Variants in PITPNM3 observed in about 807,000 individuals in gnomAD.
PITPNM3 encodes PITPNM family member 3.
PITPNM3 carries 26 observed loss-of-function variants against 102.0 expected under a neutral mutation model. The ratio of observed to expected loss-of-function variants is 0.25; its 90% CI spans 0.19 to 0.35. The LOEUF is 0.35. PITPNM3 is among the 10% of genes least tolerant of loss of function. PITPNM3 has a pLI of 1.00. For missense variants in PITPNM3, 1,083 were observed against 1,346.1 expected (o/e 0.80, Z 3.06); for synonymous variants, 578 against 558.6 (o/e 1.03, Z -0.49).
At chr17:6,532,956 T>G (rs1185026393) in intron 2 of PITPNM3, among the ~76,000 whole-genome samples, 1 of 152,076 alleles carries the variant, frequency 6.6e-6, no homozygotes, top group Non-Finnish European at 1.5e-5. Context: ...CTCCACATCT[T>G]GGTAAGTTAT....
intron 3 of PITPNM3, among the ~76,000 whole-genome samples, chr17:6,511,775 A>G (rs1036167618): frequency 1.3e-5 from 2 of 152,122 alleles, no homozygotes; most frequent in Non-Finnish European, 2.9e-5. Context: ...TGAGGTCAGG[A>G]GTTTGAGACC....
chr17:6,541,942 C>A (rs1909750957), intron 1 of PITPNM3, among the ~76,000 whole-genome samples: 1 of 152,212 alleles, frequency 6.6e-6, no homozygotes, highest in Non-Finnish European at 1.5e-5. Context: ...TCATCCTAAC[C>A]AAGCCTAGCA....
intron 4 of PITPNM3, among the ~76,000 whole-genome samples, chr17:6,498,376 A>AG (rs1906965883): frequency 6.6e-6 from 1 of 152,232 alleles, no homozygotes; most frequent in Non-Finnish European, 1.5e-5. Context: ...TGACAGGAAG[A>AG]GGGGAAAGTG....
In PITPNM3 at chr17:6,455,085, CTT is replaced by C. The variant is rs772178083; in HGVS notation, c.*251_*252del. On this transcript the variant is annotated 3_prime_UTR_variant, in exon 20 of 20. Coordinates refer to ENST00000262483, the MANE Select transcript of PITPNM3 (RefSeq NM_031220.4). ...AGGATGACACAAACATGAACCCTGA[CTT>C]GGGCTTGCGGTCGCAGGCCCGTGGG... The C allele has an allele frequency of 3.5e-4, 191 of 541,866 alleles. No homozygotes were observed. The highest frequency in any genetic ancestry group is 5.5e-4 in the Non-Finnish European group (172 of 314,172). 33.6% of individuals were successfully genotyped at this position (541,866 alleles called of 1,614,324 possible).
chr17:6,478,067 G>T lies in PITPNM3; in HGVS notation c.808C>A (p.Leu270Ile). 6.2e-7 allele frequency: 1 copy of T among 1,613,698 alleles called. No individual in the cohort carries two copies. The highest frequency in any genetic ancestry group is 2.2e-5 in the East Asian group (1 of 44,884). Residue 270 changes from leucine (L) to isoleucine (I), a missense_variant, in exon 8 of 20, where the codon CTC (leucine) becomes ATC (isoleucine). Leu to Ile is a conservative substitution (Grantham distance 5). Transcript: ENST00000262483. This position sits in a 1 kb window ranked among gnomAD's most constrained non-coding sequence, Gnocchi z 4.4. ...VCLIGDCVGG[L>I]LAFDAICYSA... is the part of the protein sequence containing the mutation. ...TAGCAGATGGCATCGAAGGCCAGGA[G>T]GCCCCCCACACAGTCCCCGATGAGA...
In PITPNM3 at chr17:6,455,074, A is replaced by G. The variant is rs1033012986; in HGVS notation, c.*264T>C. ...AGCCTGCCCCCAGGATGACACAAACATGAACCCTGACTTGGGCTTGCGGTC... is the reference window on the plus strand; with the variant it reads ...AGCCTGCCCCCAGGATGACACAAACGTGAACCCTGACTTGGGCTTGCGGTC... On this transcript the variant is annotated 3_prime_UTR_variant, in exon 20 of 20. Transcript: ENST00000262483. 11 of 523,090 alleles carry G rather than the reference A, an allele frequency of 2.1e-5. No homozygotes were observed. Among genetic ancestry groups the G allele is most frequent in the Admixed American group, 3.7e-5 (1 of 26,920 alleles). 32.4% of individuals were successfully genotyped at this position (523,090 alleles called of 1,614,324 possible).
At position 6,474,485 on chromosome 17, in the gene PITPNM3, G is replaced by A; in HGVS notation, c.1205C>T (p.Ser402Leu). The A allele has an allele frequency of 1.2e-6, 2 of 1,613,516 alleles. No individual in the cohort carries two copies. The highest frequency in any genetic ancestry group is 2.2e-5 in the East Asian group (1 of 44,876). ...FDVSDFFLFGSPLGLVLAMRR... is the reference protein window; with the variant it reads ...FDVSDFFLFGLPLGLVLAMRR... ...CATGGCCAGGACCAGGCCCAGTGGCGAGCCGAAGAGGAAGAAGTCGGACAC... is the reference window on the plus strand; with the variant it reads ...CATGGCCAGGACCAGGCCCAGTGGCAAGCCGAAGAGGAAGAAGTCGGACAC... The change falls in exon 10 of 20, where the codon TCG (serine) becomes TTG (leucine). Residue 402 changes from serine to leucine, a missense_variant. Physicochemically the swap from Ser to Leu is moderately radical, Grantham distance 145. Around this residue, in one of 5 missense-constraint regions of PITPNM3, gnomAD observed 410 missense variants for 638.4 expected, o/e 0.64. Transcript: ENST00000262483.
rs559903739 is a variant in PITPNM3, at chr17:6,527,010, G to C, written c.119-1547C>G. The stretch of plus-strand genomic sequence containing the variant: ...GAACTGGTTTATTCTGTGCTGGGCA[G>C]GGCCCTGACCAGGTTCCAGTGCAGA... On this transcript the variant is annotated intron_variant, in intron 2 of 19. Transcript: ENST00000262483. Among the ~76,000 whole-genome samples the C allele has an allele frequency of 7.4e-4, 112 of 152,312 alleles. 1 individual carries two copies. The highest frequency in any genetic ancestry group is 2.4e-3 in the African/African-American group (99 of 41,566).
chr17:6,508,382 C>T (rs892033524), intron 3 of PITPNM3, among the ~76,000 whole-genome samples: 29 of 152,316 alleles, frequency 1.9e-4, no homozygotes, highest in Admixed American at 1.7e-3. Flanking sequence ...TGAGCCTCAG[C>T]GAGGTAAAGT....
chr17:6,474,713 T>C, intron 9 of PITPNM3, 109 bp from the exon 10 acceptor site: 1 of 1,329,550 alleles, frequency 7.5e-7, no homozygotes, highest in Non-Finnish European at 1.0e-6. Context: ...TGCCCAACCC[T>C]CCATCTCTGG....
chr17:6,541,554 G>A lies in PITPNM3; in HGVS notation c.23-3472C>T, dbSNP rs1229615596. 2.6e-5 allele frequency among the ~76,000 whole-genome samples: 4 copies of A among 152,222 alleles called. No individual in the cohort carries two copies. In the East Asian group the frequency reaches 7.7e-4, roughly 29 times the overall value. On this transcript the variant is annotated intron_variant, in intron 1 of 19. Transcript: ENST00000262483. ...ATGGACGGAAGCTTGGAACAGGTGA[G>A]TTTTAAGGCTCCTCCCACTGCCAAG... is the stretch of plus-strand genomic sequence containing the variant.
intron 1 of PITPNM3, among the ~76,000 whole-genome samples, chr17:6,543,098 G>T (rs562983246): frequency 1.5e-4 from 23 of 152,172 alleles, no homozygotes; most frequent in Admixed American, 3.9e-4. Context: ...TAGCAATTTA[G>T]AGAGAAACAA....
At chr17:6,543,352 A>T (rs752636025) in intron 1 of PITPNM3, among the ~76,000 whole-genome samples, 38 of 152,218 alleles carry the variant, frequency 2.5e-4, no homozygotes, top group Non-Finnish European at 5.9e-5. Context: ...CTAGGTGGAC[A>T]GAGAGACAGA....
At position 6,468,296 on chromosome 17, in the gene PITPNM3, C is replaced by A; in HGVS notation, c.1819G>T (p.Asp607Tyr). ...SVNIKESARL[D>Y]PAALSPANPR... ...TTGGCAGGACTCAGTGCTGCAGGGTCCAGGCGGGCGCTTTCCTTGATGTTC... is the reference window on the plus strand; with the variant it reads ...TTGGCAGGACTCAGTGCTGCAGGGTACAGGCGGGCGCTTTCCTTGATGTTC... Residue 607 changes from aspartate (D) to tyrosine (Y), a missense_variant, in exon 14 of 20, where the codon GAC becomes TAC. By Grantham distance (160) the Asp-to-Tyr change is radical. Around this residue, in one of 5 missense-constraint regions of PITPNM3, gnomAD observed 410 missense variants for 638.4 expected, o/e 0.64. Coordinates refer to ENST00000262483, the MANE Select transcript of PITPNM3 (RefSeq NM_031220.4). This position sits in a 1 kb window ranked among gnomAD's most constrained non-coding sequence, Gnocchi z 5.2. 1 of 1,614,024 alleles carries A rather than the reference C, an allele frequency of 6.2e-7. No individual in the cohort carries two copies. Among genetic ancestry groups the A allele is most frequent in the African/African-American group, 1.3e-5 (1 of 75,044 alleles).
intron 1 of PITPNM3, among the ~76,000 whole-genome samples, chr17:6,541,516 G>A (rs980459657): frequency 5.9e-5 from 9 of 152,208 alleles, no homozygotes; most frequent in Non-Finnish European, 1.3e-4. Context: ...GACCAGGTAG[G>A]GTAGGACCTG....
At chr17:6,526,931 G>A (rs1177194343) in intron 2 of PITPNM3, among the ~76,000 whole-genome samples, 2 of 152,154 alleles carry the variant, frequency 1.3e-5, no homozygotes, top group Non-Finnish European at 2.9e-5. Flanking sequence ...CCACACTCCA[G>A]CCAGGCACCA....
intron 1 of PITPNM3, among the ~76,000 whole-genome samples, chr17:6,544,413 TC>T (rs1909898591): frequency 6.6e-6 from 1 of 152,000 alleles, no homozygotes; most frequent in African/African-American, 2.4e-5. Flanking sequence ...GTGCCTATAG[TC>T]CCAGGTACTC....
In PITPNM3 at chr17:6,550,874, T is replaced by A. The variant is rs1867275; in HGVS notation, c.22+5511A>T. Among the ~76,000 whole-genome samples the A allele has an allele frequency of 8.7e-3, 1,331 of 152,274 alleles. 47 individuals carry two copies. The highest frequency in any genetic ancestry group is 0.069 in the Admixed American group (1,050 of 15,292). ...ACAGGCTTGAGGTGGAACCTCTCTG[T>A]TTGAGCTGCACCATCCTTGGCTCAA... is the stretch of plus-strand genomic sequence containing the variant. On this transcript the variant is annotated intron_variant, in intron 1 of 19. Coordinates refer to ENST00000262483, the MANE Select transcript of PITPNM3 (RefSeq NM_031220.4).
At position 6,478,509 on chromosome 17, in the gene PITPNM3, C is replaced by G; in HGVS notation, c.777+38G>C. 2 of 1,610,108 alleles carry G rather than the reference C, an allele frequency of 1.2e-6. No homozygotes were observed. Among genetic ancestry groups the G allele is most frequent in the East Asian group, 2.2e-5 (1 of 44,858 alleles). Reference sequence around the variant, plus strand: ...CCTCTCTCCCAGGCCGGGGCCGGAACAGGGGAGGGGAGAGGAGGAGAGGGC... The same window carrying G: ...CCTCTCTCCCAGGCCGGGGCCGGAAGAGGGGAGGGGAGAGGAGGAGAGGGC... On this transcript the variant is annotated intron_variant, in intron 7 of 19. Transcript: ENST00000262483. The surrounding 1 kb of genome is among the most constrained non-coding windows in gnomAD (Gnocchi z 4.4).
Sources: allele counts gnomAD v4.1 joint callset (sites outside exome capture counted in the v4.1 genomes callset), GRCh38; gene constraint gnomAD v4.1.1; regional missense constraint gnomAD v4.1.1; non-coding constraint Gnocchi (gnomAD v3.1); transcripts MANE v1.5; gene names NCBI Gene and HGNC (gene_info 2026-07-23, HGNC 2026-07-21).